The following SLCO3A1 variants were observed in gnomAD, a reference collection of about 807,000 sequenced individuals.
SLCO3A1 encodes solute carrier organic anion transporter family member 3A1, also known as PGE1 transporter.
SLCO3A1 carries 27 observed loss-of-function variants against 63.1 expected under a neutral mutation model. That is an observed-to-expected ratio of 0.43 (90% CI 0.32 to 0.59). The LOEUF (loss-of-function observed/expected upper bound fraction) is 0.59. Ranked by LOEUF, SLCO3A1 falls within the 20% of genes least tolerant of loss-of-function variation. SLCO3A1 has a pLI of 0.09. For missense variants in SLCO3A1, 773 were observed against 945.8 expected (o/e 0.82, Z 2.40); for synonymous variants, 473 against 409.9 (o/e 1.15, Z -1.86).
intron 2 of SLCO3A1, among the ~76,000 whole-genome samples, chr15:91,980,602 A>G (rs994024441): frequency 2.0e-5 from 3 of 152,074 alleles, no homozygotes; most frequent in African/African-American, 7.2e-5. Context: ...CTTTTACTCC[A>G]GGGATCATTC....
chr15:91,998,411 G>C (rs1384339370), intron 2 of SLCO3A1, among the ~76,000 whole-genome samples: 1 of 152,016 alleles, frequency 6.6e-6, no homozygotes, highest in East Asian at 1.9e-4. Flanking sequence ...CCGAGATCGA[G>C]CCATTGCATT....
intron 4 of SLCO3A1, among the ~76,000 whole-genome samples, chr15:92,120,076 AACAC>A (rs138316241): frequency 8.6e-5 from 13 of 150,980 alleles, no homozygotes; most frequent in South Asian, 8.4e-4. Context: ...ATTTTATATA[AACAC>A]ACACACACAC....
intron 2 of SLCO3A1, among the ~76,000 whole-genome samples, chr15:91,952,363 T>G (rs1900028907): frequency 6.6e-6 from 1 of 152,240 alleles, no homozygotes; most frequent in Non-Finnish European, 1.5e-5. Flanking sequence ...ATGCTCTTGG[T>G]CAGCCACAAA....
At chr15:91,944,807 C>G (rs546171681) in intron 2 of SLCO3A1, among the ~76,000 whole-genome samples, 1 of 152,132 alleles carries the variant, frequency 6.6e-6, no homozygotes, top group Non-Finnish European at 1.5e-5. Flanking sequence ...GGGAAAGGCA[C>G]GAGCAGGCTC....
At chr15:92,015,257 G>A (rs966322778) in intron 2 of SLCO3A1, among the ~76,000 whole-genome samples, 1 of 152,122 alleles carries the variant, frequency 6.6e-6, no homozygotes, top group Non-Finnish European at 1.5e-5. Flanking sequence ...TCATACTGCT[G>A]TGAAGATACT....
chr15:92,043,979 C>G (rs1273368024), intron 2 of SLCO3A1, among the ~76,000 whole-genome samples: 1 of 152,208 alleles, frequency 6.6e-6, no homozygotes, highest in African/African-American at 2.4e-5. Flanking sequence ...TCTGTTGCTT[C>G]TGCTTCCCCT....
chr15:91,859,070 T>C lies in SLCO3A1; in HGVS notation c.180+4982T>C, dbSNP rs1896990891. Among the ~76,000 whole-genome samples, 1 of 152,266 alleles carries C rather than the reference T, an allele frequency of 6.6e-6. No homozygotes were observed. On this transcript the variant is annotated intron_variant, in intron 1 of 9. Transcript: ENST00000318445. The surrounding 1 kb of genome is among the most constrained non-coding windows in gnomAD (Gnocchi z 5.1). ...TCTCTTCTGCATATGTACTCTATTC[T>C]GTACATTGCCGCATGCATTGCATAT...
At chr15:91,910,662 G>C (rs189994972) in intron 1 of SLCO3A1, among the ~76,000 whole-genome samples, 4 of 152,330 alleles carry the variant, frequency 2.6e-5, no homozygotes, top group Admixed American at 6.5e-5. Flanking sequence ...ATGGGAACTC[G>C]AGGCTCTCCT....
intron 1 of SLCO3A1, among the ~76,000 whole-genome samples, chr15:91,868,750 C>A (rs979521096): frequency 4.6e-5 from 7 of 152,158 alleles, no homozygotes; most frequent in Non-Finnish European, 8.8e-5. Flanking sequence ...GAGAATCCAT[C>A]CAAAGTACTC....
chr15:92,147,695 A>G (rs372173502), intron 8 of SLCO3A1, among the ~76,000 whole-genome samples: 9 of 152,180 alleles, frequency 5.9e-5, no homozygotes, highest in African/African-American at 1.9e-4. Flanking sequence ...AGCAGTGACC[A>G]TTCTTGTACA....
chr15:92,002,997 G>T (rs1361246524), intron 2 of SLCO3A1, among the ~76,000 whole-genome samples: 2 of 152,092 alleles, frequency 1.3e-5, no homozygotes, highest in Non-Finnish European at 2.9e-5. Flanking sequence ...TTATCTCACG[G>T]AGTATTATAA....
intron 7 of SLCO3A1, among the ~76,000 whole-genome samples, chr15:92,141,546 T>C (rs2048132121): frequency 6.6e-6 from 1 of 152,192 alleles, no homozygotes; most frequent in South Asian, 2.1e-4. Flanking sequence ...TTTCAAACTT[T>C]TTATAGCTCA....
In SLCO3A1 at chr15:91,967,264, A is replaced by G. The variant is rs747433944; in HGVS notation, c.646+50806A>G. Among the ~76,000 whole-genome samples the G allele has an allele frequency of 1.4e-4, 22 of 152,208 alleles. No homozygotes were observed. The highest frequency in any genetic ancestry group is 2.5e-4 in the Non-Finnish European group (17 of 68,036). On this transcript the variant is annotated intron_variant, in intron 2 of 9. Transcript: ENST00000318445. This position sits in a 1 kb window ranked among gnomAD's most constrained non-coding sequence, Gnocchi z 4.4. ...TTTAAAATATTAAAATGACAATAAG[A>G]GAGGTTTTTAGTTATCAGAGCATGT...
intron 2 of SLCO3A1, among the ~76,000 whole-genome samples, chr15:92,014,371 C>G (rs1036789237): frequency 6.6e-6 from 1 of 152,178 alleles, no homozygotes; most frequent in African/African-American, 2.4e-5. Context: ...AAAACTGGCA[C>G]TCTTCGGAGG....
In SLCO3A1 at chr15:91,912,219, G is replaced by A. The variant is rs1317604610; in HGVS notation, c.181-3774G>A. Among the ~76,000 whole-genome samples, 1 of 152,104 alleles carries A rather than the reference G, an allele frequency of 6.6e-6. No homozygotes were observed. The highest frequency in any genetic ancestry group is 1.5e-5 in the Non-Finnish European group (1 of 68,020). Reference sequence around the variant, plus strand: ...CTGGGTTGTTCACTGCCACATAAAGGCTACAAGTGGGTTTTATGGCCTCAT... The same window carrying A: ...CTGGGTTGTTCACTGCCACATAAAGACTACAAGTGGGTTTTATGGCCTCAT... On this transcript the variant is annotated intron_variant, in intron 1 of 9. Transcript: ENST00000318445. This position sits in a 1 kb window ranked among gnomAD's most constrained non-coding sequence, Gnocchi z 5.0.
intron 2 of SLCO3A1, among the ~76,000 whole-genome samples, chr15:92,087,184 G>A (rs1239571177): frequency 8.6e-6 from 1 of 115,798 alleles, no homozygotes; most frequent in Non-Finnish European, 1.7e-5. Context: ...GCCTATAGTT[G>A]CAAATTGTCC....
intron 2 of SLCO3A1, among the ~76,000 whole-genome samples, chr15:92,002,393 G>A (rs2046266165): frequency 6.6e-6 from 1 of 152,166 alleles, no homozygotes. Flanking sequence ...TTCAGGACCT[G>A]TCTGGACAAA....
chr15:92,132,407 C>T (rs946328805), intron 7 of SLCO3A1, among the ~76,000 whole-genome samples: 2 of 142,936 alleles, frequency 1.4e-5, no homozygotes, highest in African/African-American at 2.5e-5. Flanking sequence ...ATTTAATGTA[C>T]GACTTCTAAT....
chr15:91,951,141 C>G (rs1178983635), intron 2 of SLCO3A1, among the ~76,000 whole-genome samples: 3 of 152,148 alleles, frequency 2.0e-5, no homozygotes, highest in Admixed American at 2.0e-4. Flanking sequence ...AGTATATTAA[C>G]AAGGCAGTAC....
Sources: allele counts gnomAD v4.1 joint callset (sites outside exome capture counted in the v4.1 genomes callset), GRCh38; gene constraint gnomAD v4.1.1; non-coding constraint Gnocchi (gnomAD v3.1); transcripts MANE v1.5; gene names NCBI Gene and HGNC (gene_info 2026-07-23, HGNC 2026-07-21).